SGCZ: variants seen among roughly 807,000 people sequenced by gnomAD.
SGCZ encodes the protein sarcoglycan zeta, also known as zeta-sarcoglycan.
SGCZ carries 40 observed loss-of-function variants against 41.3 expected under a neutral mutation model. The observed-to-expected ratio is 0.97, with a 90% confidence interval of 0.75 to 1.26. The LOEUF (loss-of-function observed/expected upper bound fraction) is 1.26, where lower values mean the gene tolerates loss of function less well. SGCZ is among the 50% of genes most tolerant of loss of function. The pLI, the probability that SGCZ is intolerant of heterozygous loss-of-function variation, is 0.00. For synonymous variants in SGCZ, 206 were observed against 137.5 expected (o/e 1.50, Z -3.49); for missense variants, 552 against 369.8 (o/e 1.49, Z -4.04).
chr8:14,152,321 A>T (rs1360887911), intron 5 of SGCZ, among the ~76,000 whole-genome samples: 2 of 152,206 alleles, frequency 1.3e-5, no homozygotes, highest in Non-Finnish European at 2.9e-5. Flanking sequence ...TGGCAAATAA[A>T]CACATAAAAA....
rs80275726 is a variant in SGCZ, at chr8:14,154,677, T to A, written c.547+9903A>T. On this transcript the variant is annotated intron_variant, in intron 5 of 7. Coordinates refer to ENST00000382080, the MANE Select transcript of SGCZ (RefSeq NM_139167.4). ...ATTGGCTTTAAAACATGTCTACAAG[T>A]TCTTTAGCGCTCCTTTTATAAAATG... is the stretch of plus-strand genomic sequence containing the variant. Among the ~76,000 whole-genome samples the A allele has an allele frequency of 5.9e-3, 900 of 152,294 alleles. 10 individuals carry two copies. Among genetic ancestry groups the A allele is most frequent in the African/African-American group, 0.021 (873 of 41,556 alleles).
At chr8:14,146,788 C>T (rs1192088167) in intron 5 of SGCZ, among the ~76,000 whole-genome samples, 1 of 143,544 alleles carries the variant, frequency 7.0e-6, no homozygotes, top group Non-Finnish European at 1.5e-5. Context: ...AGGAGAATGG[C>T]GTGAACCCGG....
intron 1 of SGCZ, among the ~76,000 whole-genome samples, chr8:14,574,131 AT>A (rs1182160779): frequency 2.0e-5 from 3 of 152,306 alleles, no homozygotes; most frequent in Admixed American, 6.5e-5. Context: ...TCACAGAAGC[AT>A]TTGATGCAGG....
chr8:14,379,616 C>G (rs112271233), intron 2 of SGCZ, among the ~76,000 whole-genome samples: 1 of 151,778 alleles, frequency 6.6e-6, no homozygotes, highest in African/African-American at 2.4e-5. Context: ...CACAGTCAAC[C>G]GATACTAAGT....
intron 2 of SGCZ, among the ~76,000 whole-genome samples, chr8:14,481,798 A>C (rs988125420): frequency 6.6e-6 from 1 of 152,222 alleles, no homozygotes; most frequent in Non-Finnish European, 1.5e-5. Flanking sequence ...TCCATCTCTA[A>C]TCAAGGGATA....
intron 1 of SGCZ, among the ~76,000 whole-genome samples, chr8:15,166,922 A>G (rs1362660750): frequency 6.6e-6 from 1 of 152,260 alleles, no homozygotes; most frequent in East Asian, 1.9e-4. Flanking sequence ...GTTCATGAAT[A>G]TCAAGCAAAA....
chr8:14,237,726 C>T, intron 3 of SGCZ, 47 bp from the exon 4 acceptor site: 3 of 1,543,680 alleles, frequency 1.9e-6, no homozygotes, highest in Non-Finnish European at 2.7e-6. Flanking sequence ...GAAATATCGT[C>T]AAATTTACAA....
chr8:14,322,716 G>C (rs1045655237), intron 3 of SGCZ, among the ~76,000 whole-genome samples: 5 of 152,054 alleles, frequency 3.3e-5, no homozygotes, highest in African/African-American at 1.2e-4. Context: ...AGAAGTTTTG[G>C]CCTATGCTTA....
At chr8:14,380,335 T>C (rs1804312034) in intron 2 of SGCZ, among the ~76,000 whole-genome samples, 1 of 152,312 alleles carries the variant, frequency 6.6e-6, no homozygotes, top group Non-Finnish European at 1.5e-5. Context: ...TCAATCAATA[T>C]TAGATAATCA....
At chr8:15,084,155 T>A (rs1306197921) in intron 1 of SGCZ, among the ~76,000 whole-genome samples, 3 of 152,214 alleles carry the variant, frequency 2.0e-5, no homozygotes, top group Admixed American at 2.0e-4. Flanking sequence ...AAATATGGAA[T>A]TCTGACTGGC....
chr8:14,112,557 A>G (rs951649336), intron 5 of SGCZ, among the ~76,000 whole-genome samples: 1 of 152,032 alleles, frequency 6.6e-6, no homozygotes, highest in Non-Finnish European at 1.5e-5. Flanking sequence ...AAGTCTTCCT[A>G]CCTTACTTTC....
chr8:14,959,083 A>G (rs1427782667), intron 1 of SGCZ, among the ~76,000 whole-genome samples: 18 of 152,152 alleles, frequency 1.2e-4, no homozygotes, highest in Admixed American at 1.2e-3. Context: ...CTGTATAAAC[A>G]TTACCATCAA....
chr8:14,127,316 C>T (rs925868923), intron 5 of SGCZ, among the ~76,000 whole-genome samples: 1 of 152,110 alleles, frequency 6.6e-6, no homozygotes, highest in Non-Finnish European at 1.5e-5. Context: ...AATAATAATA[C>T]ACATCCCCTA....
chr8:14,834,722 C>T (rs549197683), intron 1 of SGCZ, among the ~76,000 whole-genome samples: 8 of 152,218 alleles, frequency 5.3e-5, no homozygotes, highest in Admixed American at 2.0e-4. Context: ...TTGAAGAAGT[C>T]AGAAACAAAC....
intron 1 of SGCZ, among the ~76,000 whole-genome samples, chr8:14,606,504 G>A (rs1391356038): frequency 2.6e-5 from 4 of 152,156 alleles, no homozygotes; most frequent in South Asian, 2.1e-4. Flanking sequence ...ATTACTCTCC[G>A]TCTTCTGGTA....
intron 1 of SGCZ, among the ~76,000 whole-genome samples, chr8:14,976,126 G>A (rs542469456): frequency 3.3e-5 from 5 of 151,316 alleles, no homozygotes; most frequent in East Asian, 1.9e-4. Flanking sequence ...GGTTTCAAGC[G>A]ATTCTCTCGC....
chr8:15,118,809 T>G (rs1226356437), intron 1 of SGCZ, among the ~76,000 whole-genome samples: 1 of 152,188 alleles, frequency 6.6e-6, no homozygotes, highest in African/African-American at 2.4e-5. Context: ...TTGATAGCCC[T>G]GCAGATCAGC....
At chr8:14,227,937 T>G (rs1204269771) in intron 4 of SGCZ, among the ~76,000 whole-genome samples, 1 of 151,496 alleles carries the variant, frequency 6.6e-6, no homozygotes, top group Non-Finnish European at 1.5e-5. Flanking sequence ...TCCCCCTAGC[T>G]TCTCTCTCTC....
chr8:14,495,281 G>A (rs1213128936), intron 2 of SGCZ, among the ~76,000 whole-genome samples: 1 of 152,174 alleles, frequency 6.6e-6, no homozygotes, highest in African/African-American at 2.4e-5. Context: ...GAGAGAAGTA[G>A]CTTCCACTAG....
Sources: gnomAD v4.1 joint callset for allele counts (sites outside exome capture counted in the v4.1 genomes callset) on GRCh38, gnomAD v4.1.1 for gene constraint, MANE v1.5 for transcripts, NCBI Gene and HGNC (gene_info 2026-07-23, HGNC 2026-07-21) for gene names.